Variants in MTHFD1L observed in about 807,000 individuals in gnomAD.
MTHFD1L encodes the protein monofunctional C1-tetrahydrofolate synthase, mitochondrial.
A neutral mutation model predicts 119.5 loss-of-function variants in MTHFD1L; 81 were observed. That is an observed-to-expected ratio of 0.68 (90% CI 0.57 to 0.82). MTHFD1L has a LOEUF of 0.82. MTHFD1L is among the 40% of genes least tolerant of loss of function. The pLI is 0.00. For synonymous variants in MTHFD1L, 430 were observed against 475.2 expected, an observed-to-expected ratio of 0.90 and a Z score of 1.24; for missense variants, 1,125 against 1,253.4, an observed-to-expected ratio of 0.90 and a Z score of 1.55.
chr6:150,958,666 A>G (rs1453985243), intron 17 of MTHFD1L, among the ~76,000 whole-genome samples: 6 of 152,234 alleles, frequency 3.9e-5, no homozygotes, highest in Non-Finnish European at 1.5e-5. Flanking sequence ...CACCTACTAT[A>G]TACCTAAAAA....
chr6:151,076,052 A>G (rs563492984), intron 26 of MTHFD1L, among the ~76,000 whole-genome samples: 10 of 152,362 alleles, frequency 6.6e-5, no homozygotes, highest in African/African-American at 2.4e-4. Flanking sequence ...ATACCGCTGC[A>G]TAGCTATTAG....
At chr6:150,891,645 G>A (rs1783307174) in intron 7 of MTHFD1L, among the ~76,000 whole-genome samples, 1 of 151,402 alleles carries the variant, frequency 6.6e-6, no homozygotes, top group Non-Finnish European at 1.5e-5. Flanking sequence ...AATCCGAAAA[G>A]CATTTATTGA....
intron 6 of MTHFD1L, among the ~76,000 whole-genome samples, chr6:150,887,148 G>A (rs1475412216): frequency 2.0e-5 from 3 of 152,064 alleles, no homozygotes; most frequent in Admixed American, 2.0e-4. Flanking sequence ...TTTATTAAAA[G>A]GTTAACATTC....
At position 151,009,905 on chromosome 6, in the gene MTHFD1L, G is replaced by GTTGTGTTAGTGGCAAC. The variant is rs1265852936; in HGVS notation, c.2213_2228dup (p.Val744CysfsTer25). 1 of 1,613,660 alleles carries GTTGTGTTAGTGGCAAC rather than the reference G, an allele frequency of 6.2e-7. No homozygotes were observed. Among genetic ancestry groups the GTTGTGTTAGTGGCAAC allele is most frequent in the East Asian group, 2.2e-5 (1 of 44,856 alleles). On this transcript the variant is annotated frameshift_variant, in exon 21 of 28. Transcript: ENST00000367321. LOFTEE classifies it high-confidence loss of function. ...AGCTTCCGGCTTGGTGCCCAACGTG[G>GTTGTGTTAGTGGCAAC]TTGTGTTAGTGGCAACGGTGCGAGC...
chr6:150,865,772 G>A lies in MTHFD1L; in HGVS notation c.-51G>A. ...CTGCTCCCCTGGCACGCGCCCCGCCGCCCTCGGCAGCCGCAGCTCCGTGTC... is the reference window on the plus strand; with the variant it reads ...CTGCTCCCCTGGCACGCGCCCCGCCACCCTCGGCAGCCGCAGCTCCGTGTC... On this transcript the variant is annotated 5_prime_UTR_variant, in exon 1 of 28. Coordinates refer to ENST00000367321, the MANE Select transcript of MTHFD1L (RefSeq NM_015440.5). 1 of 1,238,568 alleles carries A rather than the reference G, an allele frequency of 8.1e-7. No individual in the cohort carries two copies. The highest frequency in any genetic ancestry group is 1.0e-6 in the Non-Finnish European group (1 of 987,370). The allele number at this position is 1,238,568 out of a possible 1,614,324, so 76.7% of individuals were successfully genotyped here.
intron 26 of MTHFD1L, among the ~76,000 whole-genome samples, chr6:151,082,477 G>A (rs1426226253): frequency 3.3e-5 from 5 of 152,130 alleles, no homozygotes; most frequent in African/African-American, 4.8e-5. Flanking sequence ...TACAGAAAGC[G>A]TGACTTGTAA....
At chr6:151,059,523 C>G (rs1169761442) in intron 26 of MTHFD1L, among the ~76,000 whole-genome samples, 1 of 152,066 alleles carries the variant, frequency 6.6e-6, no homozygotes, top group African/African-American at 2.4e-5. Flanking sequence ...TGAAAATGTT[C>G]TTTTTTGGTG....
At chr6:150,979,200 C>T (rs747668898) in intron 20 of MTHFD1L, among the ~76,000 whole-genome samples, 3 of 152,044 alleles carry the variant, frequency 2.0e-5, no homozygotes, top group African/African-American at 2.4e-5. Context: ...ATTGTGCCAT[C>T]GCACTCCAGC....
rs941277723 is a variant in MTHFD1L at position 150,964,104 on chromosome 6, G to A, written c.1945-865G>A. On this transcript the variant is annotated intron_variant, in intron 18 of 27. Coordinates refer to ENST00000367321, the MANE Select transcript of MTHFD1L (RefSeq NM_015440.5). ...GAATCGCTTGAACCCTGGAGGCAGA[G>A]GTTGCAGTGAGCCTCCAGCCTGGGC... is the stretch of plus-strand genomic sequence containing the variant. Among the ~76,000 whole-genome samples, 15 of 152,330 alleles carry A rather than the reference G, an allele frequency of 9.8e-5. No homozygotes were observed. The East Asian group carries it at 2.9e-3, about 29-fold the overall frequency.
In MTHFD1L at chr6:151,039,670, A is replaced by C. The variant is rs1476009033; in HGVS notation, c.2847+2553A>C. Among the ~76,000 whole-genome samples the C allele has an allele frequency of 6.6e-6, 1 of 152,168 alleles. No homozygotes were observed. Among genetic ancestry groups the C allele is most frequent in the Non-Finnish European group, 1.5e-5 (1 of 68,034 alleles). On this transcript the variant is annotated intron_variant, in intron 26 of 27. Transcript: ENST00000367321. This position sits in a 1 kb window ranked among gnomAD's most constrained non-coding sequence, Gnocchi z 4.4. ...GGTGGCTCACGCCTGTAATCCCAGC[A>C]CTTTGGGAGGCCGAGGCGGGCGGAT...
chr6:150,911,944 C>T (rs745505484), intron 8 of MTHFD1L, among the ~76,000 whole-genome samples: 10 of 152,184 alleles, frequency 6.6e-5, no homozygotes, highest in South Asian at 4.1e-4. Context: ...TCCTACAACA[C>T]GTGGGAATTA....
chr6:150,961,633 G>A (rs1796473556), intron 18 of MTHFD1L, among the ~76,000 whole-genome samples: 1 of 152,318 alleles, frequency 6.6e-6, no homozygotes, highest in East Asian at 1.9e-4. Flanking sequence ...AGGGCTTAGG[G>A]TATAATTTGA....
chr6:150,898,262 A>G (rs1015364038), intron 7 of MTHFD1L, among the ~76,000 whole-genome samples: 2 of 152,162 alleles, frequency 1.3e-5, no homozygotes, highest in African/African-American at 4.8e-5. Context: ...CTCACCCAGC[A>G]ACCCTGCAAA....
chr6:150,963,242 T>A (rs892028069), intron 18 of MTHFD1L, among the ~76,000 whole-genome samples: 1 of 152,152 alleles, frequency 6.6e-6, no homozygotes, highest in African/African-American at 2.4e-5. Context: ...AAGTGAACCA[T>A]CTTCGTGTAT....
intron 1 of MTHFD1L, among the ~76,000 whole-genome samples, chr6:150,870,274 G>A (rs773074969): frequency 2.6e-4 from 39 of 152,166 alleles, no homozygotes; most frequent in Admixed American, 5.9e-4. Context: ...AAACATTTAT[G>A]CTACTTTTTG....
chr6:150,944,291 T>A lies in MTHFD1L; in HGVS notation c.1441-195T>A, dbSNP rs531740020. 2.6e-5 allele frequency among the ~76,000 whole-genome samples: 4 copies of A among 152,066 alleles called. No individual in the cohort carries two copies. The East Asian group carries it at 7.7e-4, about 29-fold the overall frequency. ...CAAGACCCCCATCTCCACAGAAAAT[T>A]CAAAAATTAGCCAGGCACAATGGTG... is the stretch of plus-strand genomic sequence containing the variant. On this transcript the variant is annotated intron_variant, in intron 13 of 27. Coordinates refer to ENST00000367321, the MANE Select transcript of MTHFD1L (RefSeq NM_015440.5).
At chr6:151,018,815 G>T (rs1186871262) in intron 24 of MTHFD1L, among the ~76,000 whole-genome samples, 1 of 152,206 alleles carries the variant, frequency 6.6e-6, no homozygotes, top group Non-Finnish European at 1.5e-5. Flanking sequence ...GTTTACGGAA[G>T]GAAGGACACA....
In MTHFD1L at chr6:150,865,721, CCCGCCGCCG is replaced by C. The variant is rs71014527; in HGVS notation, c.-84_-76del. 1,656 of 967,338 alleles carry C rather than the reference CCCGCCGCCG, an allele frequency of 1.7e-3. 4 individuals are homozygous for C. The highest frequency in any genetic ancestry group is 2.5e-3 in the African/African-American group (133 of 53,606). 59.9% of individuals were successfully genotyped at this position (967,338 alleles called of 1,614,324 possible). A position where few individuals can be genotyped will look rare whatever the true frequency, so the allele number is the denominator to read the frequency against. ...GACGAGGAGGAAGCGCCAGGTCCTT[CCCGCCGCCG>C]CCGCCGCCGCCGCCGCCTGCTCCCC... On this transcript the variant is annotated 5_prime_UTR_variant, in exon 1 of 28. Coordinates refer to ENST00000367321, the MANE Select transcript of MTHFD1L (RefSeq NM_015440.5).
chr6:150,946,195 G>T (rs1394319573), intron 15 of MTHFD1L, among the ~76,000 whole-genome samples: 1 of 152,090 alleles, frequency 6.6e-6, no homozygotes, highest in African/African-American at 2.4e-5. Flanking sequence ...TGTTGCCCAG[G>T]CTGGAGTGCA....
Sources: allele counts gnomAD v4.1 joint callset (sites outside exome capture counted in the v4.1 genomes callset), GRCh38; gene constraint gnomAD v4.1.1; non-coding constraint Gnocchi (gnomAD v3.1); transcripts MANE v1.5; gene names NCBI Gene and HGNC (gene_info 2026-07-23, HGNC 2026-07-21).